ADAMTS5: variants seen among roughly 807,000 people sequenced by gnomAD.
ADAMTS5 encodes the protein ADAM metallopeptidase with thrombospondin type 1 motif 5.
In ADAMTS5, 54 loss-of-function variants were observed where a neutral mutation model predicts 81.4. That is an observed-to-expected ratio of 0.66 (90% CI 0.53 to 0.83). The LOEUF (loss-of-function observed/expected upper bound fraction) is 0.83, where lower values mean the gene tolerates loss of function less well. Ranked by LOEUF, ADAMTS5 falls within the 40% of genes least tolerant of loss-of-function variation. ADAMTS5 has a pLI of 0.00. For missense variants in ADAMTS5, 1,194 were observed against 1,229.9 expected, an observed-to-expected ratio of 0.97 and a Z score of 0.44; for synonymous variants, 532 against 508.8, an observed-to-expected ratio of 1.05 and a Z score of -0.61.
At chr21:26,957,607 T>C (rs1987453163) in intron 1 of ADAMTS5, among the ~76,000 whole-genome samples, 1 of 127,922 alleles carries the variant, frequency 7.8e-6, no homozygotes, top group Non-Finnish European at 1.7e-5. Flanking sequence ...TGAAGGTAAG[T>C]GATTATCTTT....
intron 6 of ADAMTS5, 48 bp from the exon 7 acceptor site, chr21:26,930,109 T>G: frequency 6.3e-7 from 1 of 1,583,452 alleles, no homozygotes; most frequent in Non-Finnish European, 8.6e-7. Context: ...TGCATCAGTA[T>G]TTGCTCCTTT....
In ADAMTS5 at chr21:26,934,534, G is replaced by T. The variant is rs770735293; in HGVS notation, c.1621C>A (p.Pro541Thr). The change falls in exon 4 of 8, where the codon CCT becomes ACT. Residue 541 changes from proline (P) to threonine (T), a missense_variant. Transcript: ENST00000284987. ...AGGCAGATTCTCCCCTTTCCACAAG[G>T]CGTCCCTTCCACCGCAGGCAGCTTC... Reference protein sequence around the residue: ...TKKLPAVEGTPCGKGRICLQG... With the variant: ...TKKLPAVEGTTCGKGRICLQG... The T allele has an allele frequency of 9.9e-6, 16 of 1,614,098 alleles. No homozygotes were observed. Among genetic ancestry groups the T allele is most frequent in the Non-Finnish European group, 1.2e-5 (14 of 1,180,020 alleles).
chr21:26,919,816 C>A lies in ADAMTS5; in HGVS notation c.*4237G>T, dbSNP rs1568834288. ...TTAAGTTGATCTATCTGTTTGATAA[C>A]CTAAAACTATAGATTGTTGGCAAAT... On this transcript the variant is annotated 3_prime_UTR_variant, in exon 8 of 8. Transcript: ENST00000284987. 6.6e-6 allele frequency: 1 copy of A among 151,944 alleles called. No homozygotes were observed. The highest frequency in any genetic ancestry group is 1.5e-5 in the Non-Finnish European group (1 of 67,960). The allele number at this position is 151,944 out of a possible 1,614,324, so 9.4% of individuals were successfully genotyped here.
intron 1 of ADAMTS5, 138 bp from the exon 2 acceptor site, chr21:26,955,009 A>C: frequency 9.4e-7 from 1 of 1,059,112 alleles, no homozygotes; most frequent in Non-Finnish European, 1.3e-6. Flanking sequence ...AACGTTCCAA[A>C]GGCAAACTCA....
chr21:26,932,121 T>G lies in ADAMTS5; in HGVS notation c.1932A>C (p.Lys644Asn), dbSNP rs750258950. Residue 644 changes from lysine to asparagine, a missense_variant, in exon 6 of 8, where the codon AAA (lysine) becomes AAC (asparagine). This residue lies in a region of ADAMTS5 where 696 missense variants were observed against 817.6 expected (regional missense o/e 0.85). Coordinates refer to ENST00000284987, the MANE Select transcript of ADAMTS5 (RefSeq NM_007038.5). ...CCCATTCCACAAAAGTTTTGACTCC[T>G]TTTGCATCAGACTGATAGCCATTTT... Reference protein sequence around the residue: ...EAKNGYQSDAKGVKTFVEWVP... With the variant: ...EAKNGYQSDANGVKTFVEWVP... The G allele has an allele frequency of 6.2e-7, 1 of 1,614,192 alleles. No individual in the cohort carries two copies. Among genetic ancestry groups the G allele is most frequent in the Non-Finnish European group, 8.5e-7 (1 of 1,180,014 alleles).
intron 3 of ADAMTS5, 120 bp downstream of exon 3, chr21:26,943,260 A>G (rs1297663116): frequency 3.0e-5 from 30 of 1,016,062 alleles, no homozygotes; most frequent in Non-Finnish European, 3.9e-5. Flanking sequence ...TTCTTCTGAC[A>G]CTATCCACAC....
At chr21:26,938,040 G>T (rs941264548) in intron 3 of ADAMTS5, among the ~76,000 whole-genome samples, 1 of 152,072 alleles carries the variant, frequency 6.6e-6, no homozygotes, top group Non-Finnish European at 1.5e-5. Flanking sequence ...AAGAGTTCGC[G>T]ACCAGCCTGG....
rs750509837 is a variant in ADAMTS5, at chr21:26,965,907, C to A, written c.485G>T (p.Arg162Leu). The change falls in exon 1 of 8, where the codon CGC becomes CTC. Residue 162 changes from arginine (R) to leucine (L), a missense_variant. Coordinates refer to ENST00000284987, the MANE Select transcript of ADAMTS5 (RefSeq NM_007038.5). ...GCGCAGCAGTGGCTTTAGGGTGTAG[C>A]GCGCGTGCTTGACCGCGAAGAAGCC... ...LDGFFAVKHA[R>L]YTLKPLLRGP... 14 of 1,613,868 alleles carry A rather than the reference C, an allele frequency of 8.7e-6. No homozygotes were observed. In the Admixed American group the frequency reaches 2.2e-4, roughly 25 times the overall value.
At chr21:26,954,593 T>G in intron 2 of ADAMTS5, 146 bp downstream of exon 2, 1 of 1,236,832 alleles carries the variant, frequency 8.1e-7, no homozygotes, top group South Asian at 1.6e-5. Context: ...TTAGTTAACC[T>G]TAAAAGTGCA....
At position 26,921,847 on chromosome 21, in the gene ADAMTS5, A is replaced by G. The variant is rs1986704711; in HGVS notation, c.*2206T>C. The G allele has an allele frequency of 2.6e-5, 4 of 152,630 alleles. No homozygotes were observed. The highest frequency in any genetic ancestry group is 3.4e-3 in the Middle Eastern group (1 of 294). The allele number at this position is 152,630 out of a possible 1,614,324, so 9.5% of individuals were successfully genotyped here. A position where few individuals can be genotyped will look rare whatever the true frequency, so the allele number is the denominator to read the frequency against. ...CATGAATCATTGATAAACCATATTA[A>G]AAATGTATGAGTATAGTAAGAGAAG... On this transcript the variant is annotated 3_prime_UTR_variant, in exon 8 of 8. Coordinates refer to ENST00000284987, the MANE Select transcript of ADAMTS5 (RefSeq NM_007038.5).
At chr21:26,955,955 C>T (rs1987418261) in intron 1 of ADAMTS5, among the ~76,000 whole-genome samples, 1 of 152,146 alleles carries the variant, frequency 6.6e-6, no homozygotes, top group Non-Finnish European at 1.5e-5. Flanking sequence ...TTCTATTATA[C>T]AACAATCATT....
chr21:26,949,710 C>T (rs1987283133), intron 2 of ADAMTS5, among the ~76,000 whole-genome samples: 1 of 152,146 alleles, frequency 6.6e-6, no homozygotes, highest in African/African-American at 2.4e-5. Context: ...TCTCAATATT[C>T]CTCAACATAT....
Position 26,966,812 on chromosome 21 carries a change from C to T in ADAMTS5, c.-421G>A, listed in dbSNP as rs1987695659. On this transcript the variant is annotated 5_prime_UTR_variant, in exon 1 of 8. Coordinates refer to ENST00000284987, the MANE Select transcript of ADAMTS5 (RefSeq NM_007038.5). ...CTGGCAACTGGTGCGCGCAGCCTCC[C>T]GCCCCCGCGCTGCGCTGGACAAGCC... Among the ~76,000 whole-genome samples the T allele has an allele frequency of 6.6e-6, 1 of 152,138 alleles. No individual in the cohort carries two copies. The highest frequency in any genetic ancestry group is 2.4e-5 in the African/African-American group (1 of 41,412).
At position 26,965,891 on chromosome 21, in the gene ADAMTS5, T is replaced by C. The variant is rs374685214; in HGVS notation, c.501A>G (p.Pro167=). ...AVKHARYTLK[P]LLRGPWAEEE... ...CCTCCGCCCAGGGTCCGCGCAGCAGTGGCTTTAGGGTGTAGCGCGCGTGCT... is the reference window on the plus strand; with the variant it reads ...CCTCCGCCCAGGGTCCGCGCAGCAGCGGCTTTAGGGTGTAGCGCGCGTGCT... The change falls in exon 1 of 8, where the codon CCA becomes CCG. Residue 167 remains proline, a synonymous_variant. Transcript: ENST00000284987. 5.0e-6 allele frequency: 8 copies of C among 1,613,746 alleles called. No homozygotes were observed. The highest frequency in any genetic ancestry group is 2.7e-5 in the African/African-American group (2 of 74,930).
chr21:26,943,337 C>T (rs778127453), intron 3 of ADAMTS5, 43 bp downstream of exon 3: 7 of 1,562,462 alleles, frequency 4.5e-6, no homozygotes, highest in Non-Finnish European at 6.1e-6. Context: ...CTAAGAATCC[C>T]AAATTTTGTT....
chr21:26,966,066 C>T lies in ADAMTS5; in HGVS notation c.326G>A (p.Gly109Asp), dbSNP rs755844086. The T allele has an allele frequency of 1.2e-6, 2 of 1,613,142 alleles. No individual in the cohort carries two copies. The highest frequency in any genetic ancestry group is 2.2e-5 in the East Asian group (1 of 44,858). Residue 109 changes from glycine to aspartate, a missense_variant, in exon 1 of 8, where the codon GGC becomes GAC. Gly to Asp is a moderately conservative substitution (Grantham distance 94, BLOSUM62 -1). Coordinates refer to ENST00000284987, the MANE Select transcript of ADAMTS5 (RefSeq NM_007038.5). ...TCCTGCGGGCACGAAGCCAGCAATG[C>T]CCACCGAACCATCTCGCTCCAGGTC... ...LLDLERDGSV[G>D]IAGFVPAGGG...
At position 26,953,698 on chromosome 21, in the gene ADAMTS5, T is replaced by C. The variant is rs939538784; in HGVS notation, c.1237+1041A>G. Among the ~76,000 whole-genome samples, 10 of 152,294 alleles carry C rather than the reference T, an allele frequency of 6.6e-5. 1 individual carries two copies. In the South Asian group the frequency reaches 1.9e-3, roughly 28 times the overall value. Reference sequence around the variant, plus strand: ...AAAAGGTACCATAATTATCAAACCATGCTTTGCTCCCAAAAATGTGATGCT... The same window carrying C: ...AAAAGGTACCATAATTATCAAACCACGCTTTGCTCCCAAAAATGTGATGCT... On this transcript the variant is annotated intron_variant, in intron 2 of 7. Transcript: ENST00000284987.
rs766888474 is a variant in ADAMTS5, at chr21:26,918,538, A to G, written c.*5515T>C. On this transcript the variant is annotated 3_prime_UTR_variant, in exon 8 of 8. Transcript: ENST00000284987. ...GACTAATAGGTCATACAAATACGTA[A>G]GTAGTGTTTTTCAACTCGTAATTGT... The G allele has an allele frequency of 1.3e-5, 2 of 152,064 alleles. No homozygotes were observed. The highest frequency in any genetic ancestry group is 2.9e-5 in the Non-Finnish European group (2 of 67,948). 9.4% of individuals were successfully genotyped at this position (152,064 alleles called of 1,614,324 possible).
In ADAMTS5 at chr21:26,932,948, T is replaced by A. The variant is rs190536253; in HGVS notation, c.1786A>T (p.Asn596Tyr). 5.2e-5 allele frequency: 84 copies of A among 1,614,024 alleles called. No individual in the cohort carries two copies. In the East Asian group the frequency reaches 1.8e-3, roughly 34 times the overall value. ...CGTCCGTTGTTTCTGGGAGCAGGGT[T>A]ATTACAGTGACGATAGGCAAACTGC... The part of the protein sequence containing the change: ...GVQFAYRHCN[N>Y]PAPRNNGRYC... The change falls in exon 5 of 8, where the codon AAC becomes TAC. Residue 596 changes from asparagine (N) to tyrosine (Y), a missense_variant. Transcript: ENST00000284987.
Sources: gnomAD v4.1 joint callset for allele counts (sites outside exome capture counted in the v4.1 genomes callset) on GRCh38, gnomAD v4.1.1 for gene constraint, gnomAD v4.1.1 regional missense constraint, MANE v1.5 for transcripts, NCBI Gene and HGNC (gene_info 2026-07-23, HGNC 2026-07-21) for gene names.